C12orf76: variants seen among roughly 807,000 people sequenced by gnomAD.
C12orf76 encodes chromosome 12 open reading frame 76.
A neutral mutation model predicts 6.8 loss-of-function variants in C12orf76; 6 were observed. That is an observed-to-expected ratio of 0.88 (90% CI 0.48 to 1.73). The LOEUF (loss-of-function observed/expected upper bound fraction) is 1.73, where lower values mean the gene tolerates loss of function less well. Ranked by LOEUF, C12orf76 falls within the 40% of genes most tolerant of loss-of-function variation. The pLI is 0.01. For synonymous variants in C12orf76, 56 were observed against 43.7 expected, an observed-to-expected ratio of 1.28 and a Z score of -1.11; for missense variants, 99 against 98.2, an observed-to-expected ratio of 1.01 and a Z score of -0.03.
upstream of C12orf76, among the ~76,000 whole-genome samples, chr12:110,051,943 A>C (rs1593245987): frequency 9.0e-6 from 1 of 111,498 alleles, no homozygotes; most frequent in Non-Finnish European, 1.7e-5. Flanking sequence ...ATGGAGTCTC[A>C]CTCTGTCGCC....
chr12:110,063,641 T>TA (rs1892814156), intron 2 of C12orf76, among the ~76,000 whole-genome samples: 1 of 148,604 alleles, frequency 6.7e-6, no homozygotes, highest in East Asian at 2.0e-4. Context: ...TTTATTTATT[T>TA]ATTGAGACCG....
rs1280193757 is a variant in C12orf76 at position 110,042,273 on chromosome 12, C to T, written c.*101G>A. ...TTTACCAACTGTCCAGACCAAAGGT[C>T]ATTTCCAAGTAGGAAAGTTTTGGTT... On this transcript the variant is annotated 3_prime_UTR_variant, in exon 2 of 2. Coordinates refer to ENST00000615315, the MANE Select transcript of C12orf76 (RefSeq NM_001389625.1). The T allele has an allele frequency of 5.7e-6, 5 of 877,496 alleles. No individual in the cohort carries two copies. The highest frequency in any genetic ancestry group is 9.6e-6 in the Non-Finnish European group (5 of 521,510). 54.4% of individuals were successfully genotyped at this position (877,496 alleles called of 1,614,324 possible).
At chr12:110,071,533 A>G (rs536220211), upstream of C12orf76, among the ~76,000 whole-genome samples, 11 of 152,142 alleles carry the variant, frequency 7.2e-5, no homozygotes, top group East Asian at 1.9e-3. Flanking sequence ...AATTGTCACA[A>G]CCCTATGAAC....
rs149620203 is a variant in C12orf76, at chr12:110,047,514, C to T, written c.133+849G>A. Among the ~76,000 whole-genome samples the T allele has an allele frequency of 6.9e-3, 1,042 of 152,042 alleles. 1 individual carries two copies. The highest frequency in any genetic ancestry group is 9.5e-3 in the Non-Finnish European group (645 of 67,972). On this transcript the variant is annotated intron_variant, in intron 1 of 1. Coordinates refer to ENST00000615315, the MANE Select transcript of C12orf76 (RefSeq NM_001389625.1). ...GACCCCCACCTCTACAAAAAGTAAA[C>T]AACAACAACAACAAAATGAGCCAGG...
chr12:110,057,118 G>A, intron 4 of C12orf76: 1 of 1,034,754 alleles, frequency 9.7e-7, no homozygotes, highest in African/African-American at 1.6e-5. Context: ...AGACGAAGGT[G>A]TCCACCATAA....
At chr12:110,044,734 G>T (rs936585616) in intron 1 of C12orf76, among the ~76,000 whole-genome samples, 1 of 152,028 alleles carries the variant, frequency 6.6e-6, no homozygotes, top group African/African-American at 2.4e-5. Context: ...AGCACTTTGG[G>T]AGGCCAAGGC....
chr12:110,042,658 T>C (rs1188961255), intron 1 of C12orf76, 199 bp from the exon 2 acceptor site: 1 of 688,968 alleles, frequency 1.5e-6, no homozygotes, highest in East Asian at 2.7e-5. Context: ...GCATTTCACA[T>C]AGCTTGATAT....
intron 1 of C12orf76, among the ~76,000 whole-genome samples, chr12:110,066,367 TAAAAAAAAAAAAAAAAAA>T (rs71079598): frequency 7.2e-4 from 11 of 15,334 alleles, no homozygotes; most frequent in East Asian, 3.1e-3. Context: ...AGACTCCATC[TAAAAAAAAAAAAAAAAAA>T]AAAAAAAAAA....
At chr12:110,052,424 T>C (rs537719836), upstream of C12orf76, among the ~76,000 whole-genome samples, 12 of 152,016 alleles carry the variant, frequency 7.9e-5, no homozygotes, top group Non-Finnish European at 1.8e-4. Flanking sequence ...CTCAAACTCA[T>C]GGCCTCAAGC....
At chr12:110,061,160 C>G (rs1440484506) in intron 2 of C12orf76, among the ~76,000 whole-genome samples, 7 of 151,840 alleles carry the variant, frequency 4.6e-5, no homozygotes, top group Non-Finnish European at 7.4e-5. Context: ...CATCTACATG[C>G]ATATGTTCCA....
chr12:110,051,218 G>A (rs1273316773), upstream of C12orf76: 2 of 771,318 alleles, frequency 2.6e-6, no homozygotes, highest in Non-Finnish European at 4.8e-6. Context: ...CAGTGGGGTG[G>A]GAGGCAGGCT....
chr12:110,072,751 C>T (rs1276640521), intron 1 of C12orf76, among the ~76,000 whole-genome samples: 5 of 151,962 alleles, frequency 3.3e-5, no homozygotes, highest in Admixed American at 6.6e-5. Flanking sequence ...GGCGAAACCC[C>T]GTTTCTACTA....
intron 4 of C12orf76, among the ~76,000 whole-genome samples, chr12:110,056,623 G>A (rs201331485): frequency 6.6e-6 from 1 of 152,136 alleles, no homozygotes; most frequent in East Asian, 1.9e-4. Flanking sequence ...AAGAGTCTGG[G>A]AGGTAGAAGA....
intron 1 of C12orf76, among the ~76,000 whole-genome samples, chr12:110,042,900 A>G (rs1474958943): frequency 6.6e-6 from 1 of 152,034 alleles, no homozygotes; most frequent in East Asian, 1.9e-4. Context: ...TCTACTAAAA[A>G]TACAAAAATT....
At chr12:110,063,240 C>A (rs993842802) in intron 2 of C12orf76, among the ~76,000 whole-genome samples, 6 of 151,264 alleles carry the variant, frequency 4.0e-5, no homozygotes, top group African/African-American at 1.5e-4. Flanking sequence ...ACACCCAGCC[C>A]CCCTTTTTTA....
chr12:110,072,146 G>A (rs1892966911), upstream of C12orf76, among the ~76,000 whole-genome samples: 1 of 152,146 alleles, frequency 6.6e-6, no homozygotes, highest in Non-Finnish European at 1.5e-5. Flanking sequence ...TGAAGTGTCA[G>A]CCAGGTATGG....
chr12:110,065,953 G>C, exon 2 of C12orf76: 1 of 1,613,594 alleles, frequency 6.2e-7, no homozygotes, highest in South Asian at 1.1e-5. Flanking sequence ...CACGTGGCTG[G>C]ATTCTTCTCC....
intron 4 of C12orf76, chr12:110,057,103 G>C (rs1199087911): frequency 1.1e-6 from 1 of 878,904 alleles, no homozygotes; most frequent in African/African-American, 1.6e-5. Flanking sequence ...GGACTCACCA[G>C]ATGGAGACGA....
rs1373944417 is a variant in C12orf76 at position 110,066,394 on chromosome 12, A to C, written n.207-361T>G. 9.8e-5 allele frequency among the ~76,000 whole-genome samples: 14 copies of C among 142,246 alleles called. No individual in the cohort carries two copies. The South Asian group carries it at 1.1e-3, about 11-fold the overall frequency. 93.3% of individuals were successfully genotyped at this position (142,246 alleles called of 152,430 possible). On this transcript the variant is annotated intron_variant and non_coding_transcript_variant, in intron 1 of 4. Transcript: ENST00000309050. The stretch of plus-strand genomic sequence containing the variant: ...AAAAAAAAAAAAAAAAAAAAAAAAA[A>C]AAAAAAAAAACGGCTGGGCGCGGTG...
Sources: gnomAD v4.1 joint callset for allele counts (sites outside exome capture counted in the v4.1 genomes callset) on GRCh38, gnomAD v4.1.1 for gene constraint, MANE v1.5 for transcripts, NCBI Gene and HGNC (gene_info 2026-07-23, HGNC 2026-07-21) for gene names.